Variants in FSTL4 observed in about 807,000 individuals in gnomAD.
The protein encoded by FSTL4 is follistatin like 4.
In FSTL4, 28 loss-of-function variants were observed where a neutral mutation model predicts 78.2. The observed-to-expected ratio is 0.36, with a 90% CI of 0.27 to 0.49. FSTL4 has a LOEUF of 0.49. FSTL4 is among the 20% of genes least tolerant of loss of function. The pLI, the probability that FSTL4 is intolerant of heterozygous loss-of-function variation, is 0.98. For missense variants in FSTL4, 922 were observed against 1,084.9 expected (o/e 0.85, Z 2.11); for synonymous variants, 422 against 440.5 (o/e 0.96, Z 0.53).
At chr5:133,524,172 G>A (rs1759041927) in intron 3 of FSTL4, among the ~76,000 whole-genome samples, 1 of 152,214 alleles carries the variant, frequency 6.6e-6, no homozygotes, top group African/African-American at 2.4e-5. Context: ...AGGTCAGCGT[G>A]TCTGGAGCAT....
intron 15 of FSTL4, 107 bp downstream of exon 15, chr5:133,201,826 A>C (rs775098021): frequency 4.8e-6 from 3 of 628,980 alleles, no homozygotes; most frequent in Non-Finnish European, 8.6e-6. Context: ...CCAGCATGGG[A>C]GTGGAGGAGA....
At chr5:133,487,322 G>C (rs1456245936) in intron 3 of FSTL4, among the ~76,000 whole-genome samples, 1 of 152,168 alleles carries the variant, frequency 6.6e-6, no homozygotes, top group East Asian at 1.9e-4. Context: ...GAAGGTGCCT[G>C]TGACGTATGT....
the FSTL4 span, among the ~76,000 whole-genome samples, chr5:133,822,139 C>T: frequency 1.3e-5 from 2 of 152,292 alleles, no homozygotes; most frequent in East Asian, 3.9e-4. Context: ...ACTCCTCGCC[C>T]CCTGGACCCT....
chr5:133,757,202 G>A, the FSTL4 span, among the ~76,000 whole-genome samples: 1 of 152,106 alleles, frequency 6.6e-6, no homozygotes, highest in Non-Finnish European at 1.5e-5. Context: ...ATATTTTCTA[G>A]TAACCACATT....
In FSTL4 at chr5:133,245,052, C is replaced by T. The variant is rs554435958; in HGVS notation, c.894+4358G>A. 1.4e-4 allele frequency among the ~76,000 whole-genome samples: 20 copies of T among 147,996 alleles called. No homozygotes were observed. In the South Asian group the frequency reaches 3.0e-3, roughly 22 times the overall value. On this transcript the variant is annotated intron_variant, in intron 7 of 15. Coordinates refer to ENST00000265342, the MANE Select transcript of FSTL4 (RefSeq NM_015082.2). The stretch of plus-strand genomic sequence containing the variant: ...GGAGGATCGCTTGAGCTCTGGAGGT[C>T]GAGGCTGCAGTGAGCCAAGATCATG...
chr5:133,324,715 A>G (rs1012974336), intron 4 of FSTL4, among the ~76,000 whole-genome samples: 13 of 152,192 alleles, frequency 8.5e-5, no homozygotes, highest in African/African-American at 3.1e-4. Flanking sequence ...TACCGGTATG[A>G]CTGTGGAAGA....
intron 14 of FSTL4, among the ~76,000 whole-genome samples, chr5:133,206,672 G>GTCTT (rs961916121): frequency 1.7e-4 from 26 of 152,226 alleles, no homozygotes; most frequent in Middle Eastern, 6.8e-3. Context: ...TATTTTTCAA[G>GTCTT]TCTTTTCATC....
Position 133,475,802 on chromosome 5 carries a change from C to T in FSTL4, c.161-74816G>A, listed in dbSNP as rs186356205. ...AGTGGTCTGCATAATCAGCCCTCCC[C>T]GCTACTTCAACAATTTGCCTGTGAG... On this transcript the variant is annotated intron_variant, in intron 3 of 15. Coordinates refer to ENST00000265342, the MANE Select transcript of FSTL4 (RefSeq NM_015082.2). Among the ~76,000 whole-genome samples, 1,139 of 152,284 alleles carry T rather than the reference C, an allele frequency of 7.5e-3. 8 individuals carry two copies. The highest frequency in any genetic ancestry group is 0.011 in the Non-Finnish European group (775 of 68,010).
intron 2 of FSTL4, among the ~76,000 whole-genome samples, chr5:133,576,681 T>A (rs760936869): frequency 2.0e-5 from 3 of 152,140 alleles, no homozygotes; most frequent in South Asian, 2.1e-4. Context: ...GCTCCTGGCT[T>A]CAGAGTTCCT....
chr5:133,745,435 G>T, the FSTL4 span, among the ~76,000 whole-genome samples: 1 of 152,232 alleles, frequency 6.6e-6, no homozygotes, highest in African/African-American at 2.4e-5. Flanking sequence ...AGCTGCTGGT[G>T]GGGGGTAGAG....
intron 3 of FSTL4, among the ~76,000 whole-genome samples, chr5:133,530,987 A>G (rs1157351311): frequency 6.6e-6 from 1 of 152,166 alleles, no homozygotes; most frequent in Non-Finnish European, 1.5e-5. Flanking sequence ...CTGTGCCCAG[A>G]CTGGACATGG....
chr5:133,563,434 T>G (rs189032074), intron 3 of FSTL4, among the ~76,000 whole-genome samples: 4 of 152,332 alleles, frequency 2.6e-5, no homozygotes, highest in African/African-American at 9.6e-5. Flanking sequence ...GAAGCATTCC[T>G]CATCCCTACT....
intron 3 of FSTL4, among the ~76,000 whole-genome samples, chr5:133,544,624 AG>A (rs1759539342): frequency 1.3e-5 from 2 of 152,316 alleles, no homozygotes; most frequent in Admixed American, 1.3e-4. Flanking sequence ...ACCTTGTCAC[AG>A]GGAAATGGAG....
intron 6 of FSTL4, among the ~76,000 whole-genome samples, chr5:133,269,105 C>T (rs1024135394): frequency 1.3e-5 from 2 of 149,692 alleles, no homozygotes; most frequent in African/African-American, 5.0e-5. Context: ...TGGCGTGAAC[C>T]CGGGAGGCGG....
chr5:133,343,456 C>A (rs987687823), intron 4 of FSTL4, among the ~76,000 whole-genome samples: 1 of 152,172 alleles, frequency 6.6e-6, no homozygotes, highest in Admixed American at 6.5e-5. Flanking sequence ...TCATACAGAA[C>A]GTGGAATACA....
the FSTL4 span, among the ~76,000 whole-genome samples, chr5:133,709,245 T>A: frequency 6.6e-6 from 1 of 152,332 alleles, no homozygotes. Context: ...ATTTTTATAG[T>A]GATTGGACCA....
rs377291709 is a variant in FSTL4, at chr5:133,601,698, T to TTTTTTTTTTTC, written c.126+2159_126+2160insGAAAAAAAAAA. 6.7e-5 allele frequency among the ~76,000 whole-genome samples: 10 copies of TTTTTTTTTTTC among 149,600 alleles called. 1 individual carries two copies. Among genetic ancestry groups the TTTTTTTTTTTC allele is most frequent in the African/African-American group, 1.5e-4 (6 of 40,132 alleles). The stretch of plus-strand genomic sequence containing the variant: ...TTTTTCTTTCTTTCTTTTTTTTTTT[T>TTTTTTTTTTTC]CTCAGACATGGTCTCACTCTGTCAC... On this transcript the variant is annotated intron_variant, in intron 2 of 15. Coordinates refer to ENST00000265342, the MANE Select transcript of FSTL4 (RefSeq NM_015082.2).
chr5:133,386,847 G>A (rs757717002), intron 4 of FSTL4, among the ~76,000 whole-genome samples: 29 of 152,150 alleles, frequency 1.9e-4, no homozygotes, highest in Non-Finnish European at 3.8e-4. Context: ...CCTTTGTAAT[G>A]TGCTCACTGG....
the FSTL4 span, among the ~76,000 whole-genome samples, chr5:133,767,755 A>G: frequency 6.6e-6 from 1 of 152,228 alleles, no homozygotes; most frequent in African/African-American, 2.4e-5. Flanking sequence ...GATGCCATCA[A>G]TAATGCTCCC....
Sources: gnomAD v4.1 joint callset for allele counts (sites outside exome capture counted in the v4.1 genomes callset) on GRCh38, gnomAD v4.1.1 for gene constraint, MANE v1.5 for transcripts, NCBI Gene and HGNC (gene_info 2026-07-23, HGNC 2026-07-21) for gene names.